MAPK10: variants seen among roughly 807,000 people sequenced by gnomAD.
MAPK10 encodes JNK3 alpha protein kinase.
In MAPK10, 25 loss-of-function variants were observed where a neutral mutation model predicts 59.3. That is an observed-to-expected ratio of 0.42 (90% confidence interval 0.31 to 0.59). The LOEUF (loss-of-function observed/expected upper bound fraction) is 0.59, where lower values mean the gene tolerates loss of function less well. Among genes scored for constraint, MAPK10 ranks in the 20% least tolerant of loss-of-function variants. The pLI is 0.15. For synonymous variants in MAPK10, 190 were observed against 200.5 expected, an observed-to-expected ratio of 0.95 and a Z score of 0.44; for missense variants, 351 against 568.9, an observed-to-expected ratio of 0.62 and a Z score of 3.90.
At chr4:86,130,427 T>C (rs2060796313) in intron 4 of MAPK10, among the ~76,000 whole-genome samples, 1 of 152,026 alleles carries the variant, frequency 6.6e-6, no homozygotes, top group Non-Finnish European at 1.5e-5. Context: ...AGATTCAAAC[T>C]AAACAAATAA....
At chr4:86,391,122 G>A (rs1477723243) in intron 1 of MAPK10, among the ~76,000 whole-genome samples, 1 of 152,212 alleles carries the variant, frequency 6.6e-6, no homozygotes, top group Non-Finnish European at 1.5e-5. Flanking sequence ...AATTGAGGAA[G>A]ATGAAACTAA....
intron 1 of MAPK10, among the ~76,000 whole-genome samples, chr4:86,397,967 G>A (rs372762731): frequency 1.5e-4 from 23 of 149,656 alleles, no homozygotes; most frequent in African/African-American, 5.2e-4. Context: ...CAGAGAACTC[G>A]TAACATGCAA....
In MAPK10 at chr4:86,234,991, C is replaced by A. The variant is rs568406178; in HGVS notation, c.-6-40584G>T. On this transcript the variant is annotated intron_variant, in intron 2 of 13. Transcript: ENST00000641462. Reference sequence around the variant, plus strand: ...TTTAGAAAATCATACCAGATCATCTCTCCTTTACCCTTGTGCTACATTCAT... The same window carrying A: ...TTTAGAAAATCATACCAGATCATCTATCCTTTACCCTTGTGCTACATTCAT... Among the ~76,000 whole-genome samples the A allele has an allele frequency of 7.2e-4, 109 of 152,210 alleles. 1 individual carries two copies. The Middle Eastern group carries it at 0.014, about 19-fold the overall frequency.
chr4:86,073,254 T>G (rs1395966055), intron 9 of MAPK10, among the ~76,000 whole-genome samples: 1 of 146,136 alleles, frequency 6.8e-6, no homozygotes, highest in African/African-American at 2.5e-5. Context: ...CTTTATCATT[T>G]TTTATTGTGT....
chr4:86,040,986 T>A (rs979713679), intron 11 of MAPK10: 1 of 152,028 alleles, frequency 6.6e-6, no homozygotes, highest in African/African-American at 2.4e-5. Context: ...TTCTTCAGGC[T>A]AAAAGAAAAG....
At chr4:86,508,673 T>C (rs1388936031) in intron 1 of MAPK10, among the ~76,000 whole-genome samples, 1 of 152,202 alleles carries the variant, frequency 6.6e-6, no homozygotes, top group Non-Finnish European at 1.5e-5. Context: ...CTTTTTCCCT[T>C]ACTTGTTTCT....
At chr4:86,534,566 T>C (rs910515309) in intron 1 of MAPK10, among the ~76,000 whole-genome samples, 1 of 152,114 alleles carries the variant, frequency 6.6e-6, no homozygotes, top group African/African-American at 2.4e-5. Context: ...GAGTGGTATA[T>C]GGAAACTATG....
At chr4:86,320,738 A>G (rs906439775) in intron 2 of MAPK10, among the ~76,000 whole-genome samples, 2 of 152,188 alleles carry the variant, frequency 1.3e-5, no homozygotes, top group Non-Finnish European at 2.9e-5. Flanking sequence ...GCACATGCCT[A>G]TGTCCTGAAT....
chr4:86,114,266 T>C (rs2057979159), intron 4 of MAPK10, among the ~76,000 whole-genome samples: 1 of 152,192 alleles, frequency 6.6e-6, no homozygotes, highest in African/African-American at 2.4e-5. Flanking sequence ...ACTGGAGAGG[T>C]GCTGCAATCA....
At chr4:86,499,888 G>A (rs1755172534) in intron 1 of MAPK10, among the ~76,000 whole-genome samples, 1 of 152,152 alleles carries the variant, frequency 6.6e-6, no homozygotes, top group Non-Finnish European at 1.5e-5. Context: ...TATGATGTCT[G>A]TCTGGGATCC....
At position 86,382,559 on chromosome 4, in the gene MAPK10, T is replaced by C. The variant is rs574592408; in HGVS notation, c.-121-27915A>G. On this transcript the variant is annotated intron_variant, in intron 1 of 13. Transcript: ENST00000361569. ...TGTGACTGCTTGTTCACCTAGATGCTAGCCCAGTGCCTGGCATAAAGTCGG... is the reference window on the plus strand; with the variant it reads ...TGTGACTGCTTGTTCACCTAGATGCCAGCCCAGTGCCTGGCATAAAGTCGG... 4.8e-4 allele frequency among the ~76,000 whole-genome samples: 73 copies of C among 152,304 alleles called. 2 individuals are homozygous for C. The South Asian group carries it at 0.014, about 30-fold the overall frequency.
rs1364028476 is a variant in MAPK10 at position 86,314,892 on chromosome 4, C to T, written c.-7+39638G>A. ...TCCTCTTAAAATGAAAGCTTTGTGC[C>T]ATAAAATTTTCTAGGTTTTAATGTC... On this transcript the variant is annotated intron_variant, in intron 2 of 13. Transcript: ENST00000641462. 2.0e-5 allele frequency among the ~76,000 whole-genome samples: 3 copies of T among 152,024 alleles called. 1 individual carries two copies. The highest frequency in any genetic ancestry group is 7.2e-5 in the African/African-American group (3 of 41,414).
At chr4:86,483,456 C>G (rs1753753050) in intron 1 of MAPK10, among the ~76,000 whole-genome samples, 1 of 152,006 alleles carries the variant, frequency 6.6e-6, no homozygotes, top group Non-Finnish European at 1.5e-5. Context: ...ATAGAACAAA[C>G]TAGAGAGACT....
chr4:86,307,983 A>G (rs2095600602), intron 2 of MAPK10, among the ~76,000 whole-genome samples: 1 of 152,170 alleles, frequency 6.6e-6, no homozygotes, highest in African/African-American at 2.4e-5. Flanking sequence ...GGCAAGAAAC[A>G]TTTTCCCAGA....
At chr4:86,226,520 T>C (rs2090651197) in intron 2 of MAPK10, among the ~76,000 whole-genome samples, 1 of 152,244 alleles carries the variant, frequency 6.6e-6, no homozygotes, top group African/African-American at 2.4e-5. Flanking sequence ...ATTCCTTTGT[T>C]GCACATAAGT....
intron 1 of MAPK10, among the ~76,000 whole-genome samples, chr4:86,547,682 C>G (rs1029352300): frequency 3.9e-4 from 60 of 152,318 alleles, no homozygotes; most frequent in African/African-American, 1.4e-3. Flanking sequence ...CATTCAGGAT[C>G]CACTGGGTGA....
chr4:86,449,144 C>G (rs1750404563), intron 1 of MAPK10, among the ~76,000 whole-genome samples: 1 of 151,898 alleles, frequency 6.6e-6, no homozygotes, highest in Non-Finnish European at 1.5e-5. Context: ...AGTTCCTGTA[C>G]CAGTCTGTGG....
chr4:86,048,786 A>G (rs1279071238), intron 11 of MAPK10, among the ~76,000 whole-genome samples: 2 of 152,116 alleles, frequency 1.3e-5, no homozygotes, highest in African/African-American at 4.8e-5. Flanking sequence ...TGTTAGAGGG[A>G]TAATATTATA....
chr4:86,196,089 T>A (rs183050294), intron 2 of MAPK10, among the ~76,000 whole-genome samples: 1 of 152,190 alleles, frequency 6.6e-6, no homozygotes, highest in African/African-American at 2.4e-5. Context: ...TACCCAGTAA[T>A]GGGATTGCTG....
Sources: allele counts gnomAD v4.1 joint callset (sites outside exome capture counted in the v4.1 genomes callset), GRCh38; gene constraint gnomAD v4.1.1; transcripts MANE v1.5; gene names NCBI Gene and HGNC (gene_info 2026-07-23, HGNC 2026-07-21).